Variants in GET4 observed in about 807,000 individuals in gnomAD.
GET4 encodes the protein guided entry of tail-anchored proteins factor 4.
GET4 carries 20 observed loss-of-function variants against 40.0 expected under a neutral mutation model. The ratio of observed to expected loss-of-function variants is 0.50; its 90% CI spans 0.35 to 0.73. The LOEUF (loss-of-function observed/expected upper bound fraction) is 0.73, where lower values mean the gene tolerates loss of function less well. GET4 is among the 30% of genes least tolerant of loss of function. The pLI, the probability that GET4 is intolerant of heterozygous loss-of-function variation, is 0.01. For missense variants in GET4, 557 were observed against 454.0 expected (o/e 1.23, Z -2.06); for synonymous variants, 280 against 194.6 (o/e 1.44, Z -3.65).
rs1392894814 is a variant in GET4 at position 887,462 on chromosome 7, T to C, written c.409T>C (p.Ser137Pro). ...SRALKWSSGG[S>P]GKLGHPRLHQ... ...AGCCCTGAAGTGGTCCAGTGGGGGCTCCGGGAAGCTGGGCCACCCCCGGCT... is the reference window on the plus strand; with the variant it reads ...AGCCCTGAAGTGGTCCAGTGGGGGCCCCGGGAAGCTGGGCCACCCCCGGCT... The change falls in exon 4 of 9, where the codon TCC becomes CCC. Residue 137 changes from serine (S) to proline (P), a missense_variant. Transcript: ENST00000265857. The C allele has an allele frequency of 3.1e-6, 5 of 1,590,372 alleles. 1 individual carries two copies. The South Asian group carries it at 3.4e-5, about 11-fold the overall frequency.
chr7:883,933 C>T (rs1447217107), intron 1 of GET4: 1 of 1,065,620 alleles, frequency 9.4e-7, no homozygotes, highest in Admixed American at 5.1e-5. Context: ...CTCCTCCCGT[C>T]CTTTTTCCCC....
At chr7:886,314 TG>T in intron 2 of GET4, 180 bp downstream of exon 2, 1 of 611,310 alleles carries the variant, frequency 1.6e-6, no homozygotes, top group South Asian at 1.9e-5. Flanking sequence ...CTCTCAAGAC[TG>T]GGGCTCTGCG....
intron 1 of GET4, chr7:882,357 G>A (rs1844103158): frequency 6.6e-6 from 1 of 152,322 alleles, no homozygotes. Flanking sequence ...GTGAAGGAGA[G>A]GGAAGGAATT....
chr7:886,967 G>A (rs373378991), intron 3 of GET4: 14 of 515,382 alleles, frequency 2.7e-5, no homozygotes, highest in Non-Finnish European at 5.0e-5. Flanking sequence ...TTGGCTTGTC[G>A]GCCTGTCCTG....
chr7:888,178 G>A (rs1231167453), intron 4 of GET4, among the ~76,000 whole-genome samples: 1 of 152,158 alleles, frequency 6.6e-6, no homozygotes, highest in Non-Finnish European at 1.5e-5. Flanking sequence ...GTGGGGAGGC[G>A]GCACCCAGGG....
At chr7:878,245 G>A (rs1485090674) in intron 1 of GET4, 1 of 470,728 alleles carries the variant, frequency 2.1e-6, no homozygotes, top group Non-Finnish European at 4.4e-6. Flanking sequence ...AGGCTGCTGC[G>A]TGGCTTGGTT....
intron 8 of GET4, among the ~76,000 whole-genome samples, chr7:894,312 C>G (rs982483630): frequency 1.3e-5 from 2 of 152,168 alleles, no homozygotes; most frequent in African/African-American, 4.8e-5. Flanking sequence ...CGGGACGCTG[C>G]CAGCCGTCGT....
chr7:893,871 C>G lies in GET4; in HGVS notation c.823-28C>G, dbSNP rs757431185. 42 of 1,611,682 alleles carry G rather than the reference C, an allele frequency of 2.6e-5. No individual in the cohort carries two copies. The Middle Eastern group carries it at 5.0e-4, about 19-fold the overall frequency. On this transcript the variant is annotated intron_variant, in intron 7 of 8. Transcript: ENST00000265857. ...GGACCCCACGGTCTGGGTCCACCCC[C>G]TCTGAGCCCGCTGCCTGTGCCTTGC...
intron 1 of GET4, chr7:884,456 C>G: frequency 5.1e-6 from 5 of 971,352 alleles, no homozygotes; most frequent in Non-Finnish European, 4.2e-6. Context: ...GGCCTGCCAA[C>G]GGCCTGCAGG....
rs774622675 is a variant in GET4, at chr7:895,434, C to T, written c.*12C>T. The T allele has an allele frequency of 2.8e-6, 4 of 1,404,158 alleles. No individual in the cohort carries two copies. The highest frequency in any genetic ancestry group is 1.2e-5 in the South Asian group (1 of 85,256). The allele number at this position is 1,404,158 out of a possible 1,614,324, so 87.0% of individuals were successfully genotyped here. On this transcript the variant is annotated 3_prime_UTR_variant, in exon 9 of 9. Transcript: ENST00000265857. ...TCGAGCTGGACTGAACTGGCCAGGC[C>T]ACGTGGAGACACCACGGTCGACGAC...
At chr7:880,734 AGCTGTCACCTC>A (rs1398255733) in intron 1 of GET4, 5 of 152,362 alleles carry the variant, frequency 3.3e-5, no homozygotes, top group East Asian at 3.9e-4. Flanking sequence ...CAGCAGCGGC[AGCTGTCACCTC>A]GCTGTCACCC....
At chr7:892,214 G>C (rs1583100247) in intron 5 of GET4, 64 bp from the exon 6 acceptor site, 3 of 1,545,408 alleles carry the variant, frequency 1.9e-6, no homozygotes, top group African/African-American at 2.7e-5. Flanking sequence ...TCGGAGGCCG[G>C]CGCCTGTGCG....
chr7:885,842 C>T, intron 1 of GET4: 1 of 577,128 alleles, frequency 1.7e-6, no homozygotes, highest in Non-Finnish European at 3.1e-6. Context: ...ACAGATAGGC[C>T]CTTAGTGTCC....
intron 8 of GET4, 107 bp from the exon 9 acceptor site, chr7:895,227 G>C (rs1438515363): frequency 6.4e-6 from 4 of 623,802 alleles, no homozygotes; most frequent in Non-Finnish European, 8.8e-6. Flanking sequence ...GCTTTTGCTT[G>C]TTCCATGGGA....
chr7:896,302 CAGTT>C lies in GET4; in HGVS notation c.*882_*885del. 6.6e-6 allele frequency: 1 copy of C among 152,278 alleles called. No homozygotes were observed. The highest frequency in any genetic ancestry group is 1.5e-5 in the Non-Finnish European group (1 of 68,026). The allele number at this position is 152,278 out of a possible 1,614,324, so 9.4% of individuals were successfully genotyped here. Reference sequence around the variant, plus strand: ...AAAGGGGAGACGCTCTATTTTTTCACAGTTAAATGACAGTTGTAGATTGATACGC... The same window carrying C: ...AAAGGGGAGACGCTCTATTTTTTCACAAATGACAGTTGTAGATTGATACGC... On this transcript the variant is annotated 3_prime_UTR_variant, in exon 9 of 9. Transcript: ENST00000265857.
At chr7:893,433 G>A (rs1452557136) in intron 6 of GET4, among the ~76,000 whole-genome samples, 1 of 142,208 alleles carries the variant, frequency 7.0e-6, no homozygotes, top group Non-Finnish European at 1.5e-5. Context: ...AGTGTTGGGT[G>A]CAGGCATGGT....
At chr7:883,723 G>A (rs1585491660) in intron 1 of GET4, 2 of 985,902 alleles carry the variant, frequency 2.0e-6, no homozygotes, top group African/African-American at 1.7e-5. Context: ...CACTCTCCCC[G>A]GCCTCGGGCT....
chr7:894,390 G>A lies in GET4; in HGVS notation c.895+419G>A, dbSNP rs528269196. ...GGCGGGTGTCTCACTGTGGGTGGTG[G>A]TTCGTGGCACCGCGGGAGAGGCCCC... On this transcript the variant is annotated intron_variant, in intron 8 of 8. Coordinates refer to ENST00000265857, the MANE Select transcript of GET4 (RefSeq NM_015949.3). Among the ~76,000 whole-genome samples, 9 of 152,302 alleles carry A rather than the reference G, an allele frequency of 5.9e-5. No homozygotes were observed. In the South Asian group the frequency reaches 1.4e-3, roughly 25 times the overall value.
chr7:884,813 C>T (rs558227850), intron 1 of GET4: 56 of 157,440 alleles, frequency 3.6e-4, no homozygotes, highest in Middle Eastern at 3.2e-3. Context: ...GGGGATGGCG[C>T]CTCGCTCTGT....
Sources: allele counts gnomAD v4.1 joint callset (sites outside exome capture counted in the v4.1 genomes callset), GRCh38; gene constraint gnomAD v4.1.1; transcripts MANE v1.5; gene names NCBI Gene and HGNC (gene_info 2026-07-23, HGNC 2026-07-21).